SNTG1: variants seen among roughly 807,000 people sequenced by gnomAD.
SNTG1 encodes syntrophin gamma 1.
In SNTG1, 39 loss-of-function variants were observed where a neutral mutation model predicts 74.7. The observed-to-expected ratio is 0.52, with a 90% CI of 0.40 to 0.68. SNTG1 has a LOEUF of 0.68. Ranked by LOEUF, SNTG1 falls within the 30% of genes least tolerant of loss-of-function variation. The pLI is 0.00. For missense variants in SNTG1, 685 were observed against 609.5 expected (o/e 1.12, Z -1.30); for synonymous variants, 254 against 217.1 (o/e 1.17, Z -1.49).
chr8:49,915,893 C>T (rs1232778734), intron 1 of SNTG1, among the ~76,000 whole-genome samples: 2 of 152,106 alleles, frequency 1.3e-5, no homozygotes, highest in Non-Finnish European at 2.9e-5. Flanking sequence ...TCATAGGCCT[C>T]TTTAGGACAT....
At chr8:50,097,486 T>C (rs1439607732) in intron 1 of SNTG1, among the ~76,000 whole-genome samples, 4 of 152,118 alleles carry the variant, frequency 2.6e-5, no homozygotes, top group Non-Finnish European at 4.4e-5. Context: ...ACTTAGTCAA[T>C]TTTGAAACTA....
chr8:50,203,875 T>A (rs1391512316), intron 2 of SNTG1, among the ~76,000 whole-genome samples: 1 of 152,076 alleles, frequency 6.6e-6, no homozygotes, highest in Non-Finnish European at 1.5e-5. Context: ...GTAGGATGAC[T>A]AGAAATAACT....
At chr8:50,710,144 A>G (rs912805178) in intron 17 of SNTG1, among the ~76,000 whole-genome samples, 4 of 152,136 alleles carry the variant, frequency 2.6e-5, no homozygotes, top group African/African-American at 9.7e-5. Flanking sequence ...CACATTACTT[A>G]AACATATAGT....
intron 12 of SNTG1, among the ~76,000 whole-genome samples, chr8:50,565,339 T>C (rs1415602696): frequency 6.6e-6 from 1 of 151,992 alleles, no homozygotes; most frequent in Admixed American, 6.6e-5. Flanking sequence ...TTAATATTAG[T>C]GTATTCATAT....
chr8:50,632,128 G>C (rs1232077463), intron 13 of SNTG1, among the ~76,000 whole-genome samples: 1 of 151,908 alleles, frequency 6.6e-6, no homozygotes, highest in Admixed American at 6.6e-5. Flanking sequence ...TCACTAAAGG[G>C]CAAAACAGGT....
chr8:50,775,168 G>A (rs1183821143), intron 18 of SNTG1, among the ~76,000 whole-genome samples: 2 of 151,238 alleles, frequency 1.3e-5, no homozygotes, highest in Non-Finnish European at 3.0e-5. Context: ...TTCGACCAAA[G>A]GCAGAGATTA....
At position 50,103,771 on chromosome 8, in the gene SNTG1, G is replaced by A. The variant is rs528344765; in HGVS notation, c.-102-68790G>A. ...ATTTATTGAGAGTTTTTAGCATGAA[G>A]AGTTGTTGAATTTTGTCAAAGGCTT... On this transcript the variant is annotated intron_variant, in intron 1 of 18. Coordinates refer to ENST00000642720, the MANE Select transcript of SNTG1 (RefSeq NM_018967.5). 3.1e-3 allele frequency among the ~76,000 whole-genome samples: 476 copies of A among 152,252 alleles called. 5 individuals are homozygous for A. The South Asian group carries it at 0.032, about 10-fold the overall frequency.
intron 18 of SNTG1, among the ~76,000 whole-genome samples, chr8:50,786,032 A>C (rs955468953): frequency 1.3e-5 from 2 of 152,034 alleles, no homozygotes; most frequent in African/African-American, 4.8e-5. Context: ...TAAGAATAAG[A>C]AAAGGATGTA....
At chr8:50,678,126 GAA>G (rs2095316469) in intron 15 of SNTG1, among the ~76,000 whole-genome samples, 1 of 151,400 alleles carries the variant, frequency 6.6e-6, no homozygotes, top group African/African-American at 2.4e-5. Flanking sequence ...AGAAAGAAAA[GAA>G]AAGAATAATA....
At chr8:50,053,837 T>C (rs1040274876) in intron 1 of SNTG1, among the ~76,000 whole-genome samples, 3 of 152,076 alleles carry the variant, frequency 2.0e-5, no homozygotes, top group African/African-American at 7.2e-5. Flanking sequence ...GAGCTAAACT[T>C]CATTTTTCTG....
intron 1 of SNTG1, among the ~76,000 whole-genome samples, chr8:50,116,074 A>ATGTCTTTCTTTTTAT (rs1247199012): frequency 6.6e-6 from 1 of 152,110 alleles, no homozygotes. Context: ...GATCTTTCAT[A>ATGTCTTTCTTTTTAT]TGTCTTTCTT....
At chr8:50,158,289 T>C (rs1344365839) in intron 1 of SNTG1, among the ~76,000 whole-genome samples, 1 of 152,158 alleles carries the variant, frequency 6.6e-6, no homozygotes, top group African/African-American at 2.4e-5. Flanking sequence ...ATCTTTCACA[T>C]ATGTAGTCTT....
chr8:50,792,778 T>A lies in SNTG1; in HGVS notation c.1503T>A (p.Ala501=). 1.9e-6 allele frequency: 3 copies of A among 1,612,558 alleles called. No homozygotes were observed. Among genetic ancestry groups the A allele is most frequent in the East Asian group, 4.5e-5 (2 of 44,834 alleles). Residue 501 remains alanine (A), a synonymous_variant, in exon 19 of 19, where the codon GCT becomes GCA. Transcript: ENST00000642720. ...DPLFLGNQAT[A]STAASSATTS... ...TATTTTTAGGCAATCAAGCTACTGC[T>A]TCTACTGCTGCCAGCTCTGCTACCA...
At chr8:49,958,043 G>T (rs1223895090) in intron 1 of SNTG1, among the ~76,000 whole-genome samples, 1 of 152,160 alleles carries the variant, frequency 6.6e-6, no homozygotes, top group African/African-American at 2.4e-5. Context: ...TTTAATGCTT[G>T]AACTTCCACA....
intron 18 of SNTG1, among the ~76,000 whole-genome samples, chr8:50,769,364 C>A (rs913567035): frequency 2.0e-5 from 3 of 151,620 alleles, no homozygotes; most frequent in African/African-American, 4.8e-5. Flanking sequence ...AGTAAGTGAC[C>A]CAAGTAAGAA....
intron 13 of SNTG1, among the ~76,000 whole-genome samples, chr8:50,615,087 C>T (rs57664889): frequency 0.043 from 6,493 of 151,822 alleles, 247 homozygotes; most frequent in African/African-American, 0.094. Context: ...GGACTACCCG[C>T]GCCTGACACC....
At chr8:50,324,647 G>A (rs537824535) in intron 2 of SNTG1, among the ~76,000 whole-genome samples, 2 of 151,898 alleles carry the variant, frequency 1.3e-5, no homozygotes, top group Non-Finnish European at 2.9e-5. Context: ...TCCCTTGTAG[G>A]ATATGCCTTT....
chr8:50,679,132 C>G (rs2095321414), intron 15 of SNTG1, among the ~76,000 whole-genome samples: 1 of 151,998 alleles, frequency 6.6e-6, no homozygotes, highest in African/African-American at 2.4e-5. Flanking sequence ...TTCATAGAAA[C>G]TAAGACAAGT....
At chr8:50,318,126 G>A (rs915895248) in intron 2 of SNTG1, among the ~76,000 whole-genome samples, 1 of 151,930 alleles carries the variant, frequency 6.6e-6, no homozygotes, top group African/African-American at 2.4e-5. Context: ...GTGAGCCACC[G>A]AGCCCAGCCA....
Sources: gnomAD v4.1 joint callset for allele counts (sites outside exome capture counted in the v4.1 genomes callset) on GRCh38, gnomAD v4.1.1 for gene constraint, MANE v1.5 for transcripts, NCBI Gene and HGNC (gene_info 2026-07-23, HGNC 2026-07-21) for gene names.